IRAK1BP1: variants seen among roughly 807,000 people sequenced by gnomAD.
The protein encoded by IRAK1BP1 is interleukin 1 receptor associated kinase 1 binding protein 1, also known as interleukin-1 receptor-associated kinase 1-binding protein 1.
Under a neutral mutation model 28.0 loss-of-function variants are expected in IRAK1BP1, and 24 were observed. That is an observed-to-expected ratio of 0.86 (90% CI 0.62 to 1.20). The LOEUF is 1.20. Ranked by LOEUF, IRAK1BP1 falls within the 50% of genes most tolerant of loss-of-function variation. The pLI is 0.00. For synonymous variants in IRAK1BP1, 131 were observed against 116.3 expected (o/e 1.13, Z -0.81); for missense variants, 336 against 316.7 (o/e 1.06, Z -0.46).
At chr6:78,960,713 G>C in the IRAK1BP1 span, among the ~76,000 whole-genome samples, 8 of 152,140 alleles carry the variant, frequency 5.3e-5, no homozygotes, top group East Asian at 1.2e-3. Flanking sequence ...GAAGACATGT[G>C]ACAATGTCTG....
chr6:78,973,661 C>CA, the IRAK1BP1 span, among the ~76,000 whole-genome samples: 1 of 146,448 alleles, frequency 6.8e-6, no homozygotes, highest in Non-Finnish European at 1.5e-5. Flanking sequence ...CACATAGGCT[C>CA]AAAATAAAAG....
the IRAK1BP1 span, among the ~76,000 whole-genome samples, chr6:78,975,358 T>C: frequency 3.9e-5 from 6 of 152,342 alleles, no homozygotes; most frequent in South Asian, 1.0e-3. Context: ...AAATTAGGTA[T>C]TGATGGGACA....
intron 4 of IRAK1BP1, chr6:78,936,712 A>C (rs1458685759): frequency 6.6e-6 from 1 of 151,878 alleles, no homozygotes; most frequent in Non-Finnish European, 1.5e-5. Flanking sequence ...AGTGTGTACA[A>C]GGTTTATCTC....
rs143927199 is a variant in IRAK1BP1, at chr6:78,942,439, C to T, written c.*68-2969C>T. Among the ~76,000 whole-genome samples, 6 of 152,188 alleles carry T rather than the reference C, an allele frequency of 3.9e-5. No homozygotes were observed. The East Asian group carries it at 5.8e-4, about 15-fold the overall frequency. On this transcript the variant is annotated intron_variant and NMD_transcript_variant, in intron 4 of 4. Transcript: ENST00000606868. The stretch of plus-strand genomic sequence containing the variant: ...CGGAGGTTGCAGTGAGCTGAGATCA[C>T]GCCACTGCACTCCAGCCTGGGCGAC...
the IRAK1BP1 span, among the ~76,000 whole-genome samples, chr6:78,952,061 TAA>T: frequency 1.3e-5 from 2 of 152,164 alleles, no homozygotes; most frequent in Admixed American, 6.5e-5. Context: ...TTATTCTAGG[TAA>T]AGATTCTTTT....
At position 78,941,081 on chromosome 6, in the gene IRAK1BP1, T is replaced by C. The variant is rs376750610; in HGVS notation, c.*68-4327T>C. The C allele has an allele frequency of 1.1e-5, 18 of 1,614,100 alleles. 1 individual carries two copies. The highest frequency in any genetic ancestry group is 7.7e-5 in the South Asian group (7 of 91,080). On this transcript the variant is annotated intron_variant and NMD_transcript_variant, in intron 4 of 4. Transcript: ENST00000606868. ...TACATTATTAGTTTCAGAAAGAAAATTGCATGTTGAAGAAGGAAGTACTTC... is the reference window on the plus strand; with the variant it reads ...TACATTATTAGTTTCAGAAAGAAAACTGCATGTTGAAGAAGGAAGTACTTC...
chr6:78,920,876 C>A (rs1025637438), intron 4 of IRAK1BP1, among the ~76,000 whole-genome samples: 1 of 152,096 alleles, frequency 6.6e-6, no homozygotes, highest in Non-Finnish European at 1.5e-5. Flanking sequence ...AAAATATTTG[C>A]AAACTATGCA....
chr6:78,951,328 T>C (rs1767618258), downstream of IRAK1BP1, among the ~76,000 whole-genome samples: 1 of 152,176 alleles, frequency 6.6e-6, no homozygotes, highest in African/African-American at 2.4e-5. Flanking sequence ...TACAATTCTG[T>C]TGAATAAATG....
intron 4 of IRAK1BP1, among the ~76,000 whole-genome samples, chr6:78,911,436 A>G (rs189004405): frequency 2.6e-5 from 4 of 152,178 alleles, no homozygotes; most frequent in East Asian, 3.9e-4. Context: ...ACAATCCCAC[A>G]TCTGGGATGT....
At chr6:78,953,494 C>T in the IRAK1BP1 span, among the ~76,000 whole-genome samples, 1 of 152,140 alleles carries the variant, frequency 6.6e-6, no homozygotes, top group South Asian at 2.1e-4. Flanking sequence ...AAAGCGAAAT[C>T]CATAAGTTGT....
chr6:78,926,289 T>A (rs931082979), intron 4 of IRAK1BP1, among the ~76,000 whole-genome samples: 1 of 152,188 alleles, frequency 6.6e-6, no homozygotes, highest in Admixed American at 6.6e-5. Flanking sequence ...TTAAAACAGA[T>A]CTACCATTTG....
At chr6:78,918,516 GA>G (rs201517597) in intron 4 of IRAK1BP1, among the ~76,000 whole-genome samples, 24 of 64,708 alleles carry the variant, frequency 3.7e-4, no homozygotes, top group Admixed American at 2.1e-3. Context: ...TACTCATACA[GA>G]AAAAAAAAGC....
At chr6:78,890,930 G>A (rs1771633037) in intron 2 of IRAK1BP1, among the ~76,000 whole-genome samples, 1 of 152,058 alleles carries the variant, frequency 6.6e-6, no homozygotes, top group Non-Finnish European at 1.5e-5. Context: ...CTGCATACAA[G>A]GTCTCAAAAC....
chr6:78,904,649 T>C (rs1312375902), downstream of IRAK1BP1, among the ~76,000 whole-genome samples: 1 of 152,212 alleles, frequency 6.6e-6, no homozygotes, highest in Non-Finnish European at 1.5e-5. Context: ...ATATATATTA[T>C]AATTTCATTT....
At chr6:78,889,720 A>G (rs1005828000) in intron 2 of IRAK1BP1, among the ~76,000 whole-genome samples, 5 of 152,194 alleles carry the variant, frequency 3.3e-5, no homozygotes, top group South Asian at 2.1e-4. Context: ...CCACAATGAG[A>G]TACCATCTCA....
At position 78,882,948 on chromosome 6, in the gene IRAK1BP1, A is replaced by G. The variant is rs535072601; in HGVS notation, c.316-2430A>G. Among the ~76,000 whole-genome samples the G allele has an allele frequency of 3.8e-3, 580 of 152,226 alleles. 1 individual carries two copies. The highest frequency in any genetic ancestry group is 5.5e-3 in the Non-Finnish European group (377 of 68,014). On this transcript the variant is annotated intron_variant, in intron 1 of 3. Coordinates refer to ENST00000369940, the MANE Select transcript of IRAK1BP1 (RefSeq NM_001010844.4). ...CTCTGTAAATTTAAAATTATTTCAA[A>G]ATTAAAAGTTTATTTTAAAAAGTTC...
the IRAK1BP1 span, chr6:78,961,736 T>C: frequency 5.0e-6 from 8 of 1,612,664 alleles, no homozygotes; most frequent in Middle Eastern, 1.7e-4. Context: ...CTTAGATCCG[T>C]TGGATATGCC....
chr6:78,890,824 A>T (rs997363827), intron 2 of IRAK1BP1, among the ~76,000 whole-genome samples: 1 of 152,216 alleles, frequency 6.6e-6, no homozygotes, highest in Admixed American at 6.5e-5. Flanking sequence ...GGACAAGCAG[A>T]CAGGGCTGAC....
At chr6:78,936,012 C>T (rs538835079) in intron 4 of IRAK1BP1, 11 of 152,052 alleles carry the variant, frequency 7.2e-5, no homozygotes, top group East Asian at 5.8e-4. Flanking sequence ...AAAGTGTCCA[C>T]GTAACAGTAA....
Sources: gnomAD v4.1 joint callset for allele counts (sites outside exome capture counted in the v4.1 genomes callset) on GRCh38, gnomAD v4.1.1 for gene constraint, MANE v1.5 for transcripts, NCBI Gene and HGNC (gene_info 2026-07-23, HGNC 2026-07-21) for gene names.